TYW1B: variants seen among roughly 807,000 people sequenced by gnomAD.
TYW1B encodes the protein tRNA-yW synthesizing protein 1 homolog B, also known as S-adenosyl-L-methionine-dependent tRNA 4-demethylwyosine synthase TYW1B.
A neutral mutation model predicts 86.9 loss-of-function variants in TYW1B; 73 were observed. The ratio of observed to expected loss-of-function variants is 0.84; its 90% confidence interval spans 0.70 to 1.02. TYW1B has a LOEUF of 1.02. Among genes scored for constraint, TYW1B ranks in the 50% least tolerant of loss-of-function variants. The pLI is 0.00. For synonymous variants in TYW1B, 248 were observed against 292.8 expected (o/e 0.85, Z 1.56); for missense variants, 637 against 827.4 (o/e 0.77, Z 2.82).
intron 11 of TYW1B, among the ~76,000 whole-genome samples, chr7:72,677,346 C>T (rs1195199714): frequency 6.6e-6 from 1 of 151,608 alleles, no homozygotes. Flanking sequence ...AAGGGTCTTG[C>T]TATGTTGCTC....
chr7:72,666,475 A>C (rs1355577062), intron 11 of TYW1B, among the ~76,000 whole-genome samples: 2 of 152,116 alleles, frequency 1.3e-5, no homozygotes, highest in Admixed American at 6.6e-5. Context: ...TAAATACTAT[A>C]AATTTGAAAA....
intron 6 of TYW1B, among the ~76,000 whole-genome samples, chr7:72,797,511 A>T (rs1788324968): frequency 6.6e-6 from 1 of 152,122 alleles, no homozygotes; most frequent in Non-Finnish European, 1.5e-5. Flanking sequence ...ATAAAACTGC[A>T]ACCTAGATCA....
intron 6 of TYW1B, among the ~76,000 whole-genome samples, chr7:72,793,668 T>C (rs1445368003): frequency 2.6e-5 from 4 of 151,588 alleles, no homozygotes; most frequent in African/African-American, 9.7e-5. Flanking sequence ...AGGCAGAGAA[T>C]TGCTTGAATC....
intron 11 of TYW1B, among the ~76,000 whole-genome samples, chr7:72,685,490 C>G (rs3015925): frequency 0.79 from 118,729 of 151,108 alleles, 47,142 homozygotes; most frequent in Middle Eastern, 0.86. Context: ...AGAATACAGC[C>G]CAGGAAAAGA....
At position 72,820,051 on chromosome 7, in the gene TYW1B, G is replaced by A. The variant is rs141781628; in HGVS notation, c.136-4570C>T. Among the ~76,000 whole-genome samples, 1,010 of 152,190 alleles carry A rather than the reference G, an allele frequency of 6.6e-3. 15 individuals carry two copies. The highest frequency in any genetic ancestry group is 0.021 in the African/African-American group (872 of 41,522). On this transcript the variant is annotated intron_variant, in intron 2 of 13. Coordinates refer to ENST00000620995, the MANE Select transcript of TYW1B (RefSeq NM_001145440.3). Reference sequence around the variant, plus strand: ...GCACTTCGGGAGGCCAAGATGGGTGGATTACCTGAGGTCAGGAGTTTGCGA... The same window carrying A: ...GCACTTCGGGAGGCCAAGATGGGTGAATTACCTGAGGTCAGGAGTTTGCGA...
intron 11 of TYW1B, among the ~76,000 whole-genome samples, chr7:72,664,439 A>C (rs1467587007): frequency 1.3e-5 from 2 of 152,140 alleles, no homozygotes; most frequent in Non-Finnish European, 2.9e-5. Flanking sequence ...CCTTGCAGAC[A>C]TAAAAAAGAA....
At chr7:72,793,066 C>T (rs1788246687) in intron 6 of TYW1B, among the ~76,000 whole-genome samples, 1 of 152,142 alleles carries the variant, frequency 6.6e-6, no homozygotes, top group Non-Finnish European at 1.5e-5. Flanking sequence ...AGGCCAGGCA[C>T]GGTGGCTCTC....
At position 72,701,426 on chromosome 7, in the gene TYW1B, G is replaced by A. The variant is rs547574316; in HGVS notation, c.1371-6604C>T. 5.0e-3 allele frequency among the ~76,000 whole-genome samples: 754 copies of A among 152,066 alleles called. 8 individuals carry two copies. Among genetic ancestry groups the A allele is most frequent in the African/African-American group, 0.018 (738 of 41,478 alleles). ...CTACAGGCATGCACCAAAACACTTG[G>A]CTAATGTTTTAATTTTTTGTAGAGA... On this transcript the variant is annotated intron_variant, in intron 10 of 13. Transcript: ENST00000620995.
chr7:72,751,379 G>A (rs965568224), intron 7 of TYW1B, among the ~76,000 whole-genome samples: 13 of 152,198 alleles, frequency 8.5e-5, no homozygotes, highest in East Asian at 3.9e-4. Flanking sequence ...TTCACCAATC[G>A]TACTATTGAT....
intron 8 of TYW1B, among the ~76,000 whole-genome samples, chr7:72,742,618 A>G (rs1787324830): frequency 6.6e-6 from 1 of 152,226 alleles, no homozygotes; most frequent in Admixed American, 6.5e-5. Flanking sequence ...GAGTCAAATA[A>G]TATCAATTCA....
chr7:72,777,276 G>T, intron 7 of TYW1B, 140 bp downstream of exon 7: 6 of 1,007,880 alleles, frequency 6.0e-6, no homozygotes, highest in Non-Finnish European at 8.7e-6. Flanking sequence ...ATCCACAGAA[G>T]TAAGAAGGTA....
intron 7 of TYW1B, among the ~76,000 whole-genome samples, chr7:72,755,380 C>T (rs1467535656): frequency 6.6e-6 from 1 of 152,142 alleles, no homozygotes; most frequent in African/African-American, 2.4e-5. Flanking sequence ...GACTGCATTA[C>T]TGCACTCCAG....
At chr7:72,634,330 T>C (rs1279700998) in intron 11 of TYW1B, among the ~76,000 whole-genome samples, 17 of 146,752 alleles carry the variant, frequency 1.2e-4, no homozygotes, top group African/African-American at 4.3e-4. Context: ...AGGCACATGC[T>C]GCCACTCCTA....
At position 72,606,781 on chromosome 7, in the gene TYW1B, A is replaced by G. The variant is rs191742295; in HGVS notation, c.1785+9891T>C. On this transcript the variant is annotated intron_variant, in intron 13 of 13. Transcript: ENST00000620995. ...TCCTACAGTAGGTCAATAGAAGCTG[A>G]GAGGGGAACTGGACTTTTACCTCTC... Among the ~76,000 whole-genome samples the G allele has an allele frequency of 4.6e-5, 7 of 151,970 alleles. No individual in the cohort carries two copies. In the East Asian group the frequency reaches 1.4e-3, roughly 29 times the overall value.
intron 11 of TYW1B, among the ~76,000 whole-genome samples, chr7:72,631,210 T>C (rs1449931113): frequency 1.3e-5 from 2 of 151,988 alleles, no homozygotes; most frequent in African/African-American, 4.8e-5. Flanking sequence ...ACACTATTCT[T>C]ACTGGCTAAA....
At chr7:72,637,686 C>CT (rs200455914) in intron 11 of TYW1B, among the ~76,000 whole-genome samples, 20,137 of 142,870 alleles carry the variant, frequency 0.14, 1,601 homozygotes, top group African/African-American at 0.23. Context: ...CTGCTCTTTT[C>CT]TTTTTAAAAA....
chr7:72,709,014 T>A (rs1317795466), intron 10 of TYW1B, among the ~76,000 whole-genome samples: 2 of 152,202 alleles, frequency 1.3e-5, no homozygotes, highest in African/African-American at 4.8e-5. Context: ...TAGGACTTCC[T>A]AACATTTGGA....
chr7:72,584,752 G>A (rs782792179), intron 13 of TYW1B, among the ~76,000 whole-genome samples: 5 of 152,018 alleles, frequency 3.3e-5, no homozygotes, highest in Non-Finnish European at 5.9e-5. Flanking sequence ...CACCGCACCC[G>A]GCCTATATTC....
At chr7:72,798,010 TAC>T (rs781878514) in intron 6 of TYW1B, among the ~76,000 whole-genome samples, 312 of 62,722 alleles carry the variant, frequency 5.0e-3, no homozygotes, top group East Asian at 0.011. Context: ...TTTATATATA[TAC>T]ACACACACAC....
Sources: gnomAD v4.1 joint callset for allele counts (sites outside exome capture counted in the v4.1 genomes callset) on GRCh38, gnomAD v4.1.1 for gene constraint, MANE v1.5 for transcripts, NCBI Gene and HGNC (gene_info 2026-07-23, HGNC 2026-07-21) for gene names.